Variants in RBFOX1 observed in about 807,000 individuals in gnomAD.
RBFOX1 encodes the protein RNA binding fox-1 homolog 1, also known as RNA binding protein fox-1 homolog 1.
Under a neutral mutation model 57.7 loss-of-function variants are expected in RBFOX1, and 8 were observed. That is an observed-to-expected ratio of 0.14 (90% CI 0.08 to 0.25). RBFOX1 has a LOEUF of 0.25. RBFOX1 is among the 10% of genes least tolerant of loss of function. The pLI is 1.00. For synonymous variants in RBFOX1, 326 were observed against 222.4 expected, an observed-to-expected ratio of 1.47 and a Z score of -4.15; for missense variants, 611 against 548.5, an observed-to-expected ratio of 1.11 and a Z score of -1.14.
At chr16:7,074,235 T>C (rs116510061) in intron 4 of RBFOX1, among the ~76,000 whole-genome samples, 1,544 of 152,262 alleles carry the variant, frequency 0.01, 30 homozygotes, top group African/African-American at 0.035. Context: ...GTTTGAAATA[T>C]TGTAGGGTTT....
chr16:7,290,807 T>C (rs1056112273), intron 4 of RBFOX1, among the ~76,000 whole-genome samples: 2 of 152,192 alleles, frequency 1.3e-5, no homozygotes, highest in Non-Finnish European at 2.9e-5. Context: ...CTCGCTGTAA[T>C]GTTTAGAAGC....
At chr16:6,041,565 TATGTGACTCC>T (rs2095436653) in intron 1 of RBFOX1, among the ~76,000 whole-genome samples, 1 of 152,152 alleles carries the variant, frequency 6.6e-6, no homozygotes, top group Admixed American at 6.5e-5. Context: ...TCCTCATCCG[TATGTGACTCC>T]CTGAAGCCAC....
chr16:7,269,408 C>G (rs1017280284), intron 4 of RBFOX1, among the ~76,000 whole-genome samples: 1 of 151,994 alleles, frequency 6.6e-6, no homozygotes, highest in African/African-American at 2.4e-5. Context: ...TTTTTAAAAA[C>G]ATTTTGATAT....
chr16:5,796,846 A>T (rs902229119), intron 3 of RBFOX1, among the ~76,000 whole-genome samples: 1 of 152,134 alleles, frequency 6.6e-6, no homozygotes, highest in African/African-American at 2.4e-5. Flanking sequence ...GTTAACCTCT[A>T]TATGGCCCTC....
intron 3 of RBFOX1, among the ~76,000 whole-genome samples, chr16:7,021,896 T>TTTTC (rs199499097): frequency 8.2e-6 from 1 of 122,188 alleles, no homozygotes; most frequent in Non-Finnish European, 1.6e-5. Flanking sequence ...TCTTTCTTTC[T>TTTTC]TTTCTTTCTT....
intron 4 of RBFOX1, among the ~76,000 whole-genome samples, chr16:7,121,273 G>A (rs1445138562): frequency 3.9e-5 from 6 of 151,956 alleles, no homozygotes; most frequent in African/African-American, 1.4e-4. Flanking sequence ...CTACAATAAG[G>A]AAGAAAAAGA....
At chr16:6,086,846 T>C (rs1370659519) in intron 1 of RBFOX1, among the ~76,000 whole-genome samples, 2 of 152,188 alleles carry the variant, frequency 1.3e-5, no homozygotes, top group Non-Finnish European at 2.9e-5. Flanking sequence ...GAATGTAACA[T>C]GAAAGAGACA....
intron 3 of RBFOX1, among the ~76,000 whole-genome samples, chr16:5,607,474 A>T (rs1739440783): frequency 6.6e-6 from 1 of 152,282 alleles, no homozygotes; most frequent in African/African-American, 2.4e-5. Flanking sequence ...ATTTCCCCTA[A>T]TCTCTGAGGA....
At chr16:7,260,578 A>T (rs2153065263) in intron 4 of RBFOX1, among the ~76,000 whole-genome samples, 1 of 152,186 alleles carries the variant, frequency 6.6e-6, no homozygotes, top group East Asian at 1.9e-4. Flanking sequence ...CATCTCCATT[A>T]TGTGTCATGT....
intron 4 of RBFOX1, among the ~76,000 whole-genome samples, chr16:7,191,442 A>G (rs1437066461): frequency 2.0e-5 from 3 of 152,202 alleles, no homozygotes; most frequent in Admixed American, 6.5e-5. Context: ...ATGGCTTGTA[A>G]CACATCATTT....
chr16:5,954,693 A>G (rs1278907328), intron 4 of RBFOX1, among the ~76,000 whole-genome samples: 1 of 152,152 alleles, frequency 6.6e-6, no homozygotes, highest in Non-Finnish European at 1.5e-5. Context: ...CTCGGCAAGC[A>G]TCTGATCGTG....
At chr16:6,403,473 C>T (rs1007975294) in intron 2 of RBFOX1, among the ~76,000 whole-genome samples, 1 of 152,012 alleles carries the variant, frequency 6.6e-6, no homozygotes, top group African/African-American at 2.4e-5. Flanking sequence ...AGGTGGGCCT[C>T]CCTCCTGAAC....
chr16:5,672,339 C>T (rs2050037782), intron 3 of RBFOX1, among the ~76,000 whole-genome samples: 3 of 152,176 alleles, frequency 2.0e-5, no homozygotes, highest in Admixed American at 2.0e-4. Context: ...CAGGAGGGCT[C>T]TTGACTTCAT....
chr16:5,729,340 G>C (rs1160371565), intron 3 of RBFOX1, among the ~76,000 whole-genome samples: 1 of 149,938 alleles, frequency 6.7e-6, no homozygotes, highest in Admixed American at 6.6e-5. Context: ...ACACTGGAAA[G>C]CATTTTGCAA....
intron 4 of RBFOX1, among the ~76,000 whole-genome samples, chr16:7,449,960 G>A (rs1167654677): frequency 6.6e-6 from 1 of 152,138 alleles, no homozygotes; most frequent in Non-Finnish European, 1.5e-5. Context: ...TGCAGTAGAA[G>A]GATGGCGAAA....
intron 1 of RBFOX1, among the ~76,000 whole-genome samples, chr16:6,254,964 A>T (rs2097651170): frequency 6.6e-6 from 1 of 151,954 alleles, no homozygotes; most frequent in Non-Finnish European, 1.5e-5. Context: ...GATTATTAAA[A>T]TATATATGGT....
At chr16:7,286,631 T>G (rs1050074401) in intron 4 of RBFOX1, among the ~76,000 whole-genome samples, 1 of 142,708 alleles carries the variant, frequency 7.0e-6, no homozygotes, top group African/African-American at 2.6e-5. Context: ...TTTTTTTTTT[T>G]TTTTTTTTTT....
At chr16:7,304,820 G>A (rs2096133741) in intron 4 of RBFOX1, among the ~76,000 whole-genome samples, 2 of 152,112 alleles carry the variant, frequency 1.3e-5, no homozygotes, top group South Asian at 2.1e-4. Flanking sequence ...TTGATGCTAA[G>A]AGTTTGAATC....
intron 4 of RBFOX1, among the ~76,000 whole-genome samples, chr16:7,326,488 A>T (rs1032093631): frequency 6.6e-6 from 1 of 152,162 alleles, no homozygotes; most frequent in Non-Finnish European, 1.5e-5. Context: ...CAGAGCTGCC[A>T]TGATGAGCAG....
Sources: gnomAD v4.1 joint callset for allele counts (sites outside exome capture counted in the v4.1 genomes callset) on GRCh38, gnomAD v4.1.1 for gene constraint, MANE v1.5 for transcripts, NCBI Gene and HGNC (gene_info 2026-07-23, HGNC 2026-07-21) for gene names.